Variants in SUPT3H observed in about 807,000 individuals in gnomAD.
SUPT3H encodes the protein transcription initiation protein SPT3 homolog.
Under a neutral mutation model 44.3 loss-of-function variants are expected in SUPT3H, and 44 were observed. The ratio of observed to expected loss-of-function variants is 0.99; its 90% CI spans 0.78 to 1.28. SUPT3H has a LOEUF of 1.28. Among genes scored for constraint, SUPT3H ranks in the 50% most tolerant of loss-of-function variants. SUPT3H has a pLI of 0.00. For missense variants in SUPT3H, 380 were observed against 387.1 expected (o/e 0.98, Z 0.15); for synonymous variants, 124 against 125.6 (o/e 0.99, Z 0.09).
At chr6:45,165,589 A>T (rs889921106) in intron 2 of SUPT3H, among the ~76,000 whole-genome samples, 1 of 152,252 alleles carries the variant, frequency 6.6e-6, no homozygotes, top group Non-Finnish European at 1.5e-5. Flanking sequence ...TTAATATGTT[A>T]AAGGTCCTAG....
At chr6:45,001,905 T>G (rs1269562174) in intron 6 of SUPT3H, among the ~76,000 whole-genome samples, 1 of 152,116 alleles carries the variant, frequency 6.6e-6, no homozygotes, top group Admixed American at 6.6e-5. Flanking sequence ...GCCTATGCTC[T>G]TAACAGTTCC....
chr6:45,079,224 C>T (rs6923436), intron 3 of SUPT3H, among the ~76,000 whole-genome samples: 54,550 of 151,890 alleles, frequency 0.36, 10,535 homozygotes, highest in Non-Finnish European at 0.43. Flanking sequence ...GCAGGAGAAT[C>T]GCTTGAACCT....
At chr6:45,289,098 T>C (rs1779886452) in intron 2 of SUPT3H, among the ~76,000 whole-genome samples, 3 of 152,118 alleles carry the variant, frequency 2.0e-5, no homozygotes, top group African/African-American at 7.2e-5. Context: ...TTCTAATGTG[T>C]TTTTCATATT....
chr6:45,091,602 G>T (rs554306814), intron 3 of SUPT3H, among the ~76,000 whole-genome samples: 1 of 152,156 alleles, frequency 6.6e-6, no homozygotes, highest in Admixed American at 6.5e-5. Flanking sequence ...CTGTTCTTCA[G>T]TTTCTAAACC....
intron 10 of SUPT3H, among the ~76,000 whole-genome samples, chr6:44,830,671 A>G (rs1227662540): frequency 1.3e-5 from 2 of 152,144 alleles, no homozygotes; most frequent in African/African-American, 4.8e-5. Flanking sequence ...AAAATTCAGG[A>G]CTTAGGAATA....
intron 3 of SUPT3H, among the ~76,000 whole-genome samples, chr6:45,089,669 A>G (rs1796896965): frequency 8.9e-6 from 1 of 112,452 alleles, no homozygotes; most frequent in Non-Finnish European, 1.8e-5. Context: ...GAAATCTTGC[A>G]TATTGCAGCT....
chr6:45,375,100 G>A (rs1342347130), intron 1 of SUPT3H, among the ~76,000 whole-genome samples: 9 of 152,152 alleles, frequency 5.9e-5, no homozygotes, highest in African/African-American at 9.7e-5. Context: ...CCAGCTACTC[G>A]GGAGGCTGAG....
intron 2 of SUPT3H, among the ~76,000 whole-genome samples, chr6:45,331,166 T>C (rs1439814873): frequency 6.6e-6 from 1 of 151,974 alleles, no homozygotes; most frequent in Non-Finnish European, 1.5e-5. Flanking sequence ...AGTATGTCTG[T>C]GTCCTTGATC....
intron 2 of SUPT3H, among the ~76,000 whole-genome samples, chr6:45,200,512 T>C (rs1762313265): frequency 2.6e-5 from 4 of 151,532 alleles, no homozygotes; most frequent in Non-Finnish European, 4.4e-5. Context: ...TAGGTGCAGC[T>C]GGTAAAAAAA....
intron 2 of SUPT3H, among the ~76,000 whole-genome samples, chr6:45,129,775 C>A (rs1803135410): frequency 6.6e-6 from 1 of 151,718 alleles, no homozygotes; most frequent in Admixed American, 6.6e-5. Context: ...TAAAAAAATC[C>A]ATCAATCAAT....
At chr6:45,182,642 T>A (rs748309525) in intron 2 of SUPT3H, among the ~76,000 whole-genome samples, 3 of 152,226 alleles carry the variant, frequency 2.0e-5, no homozygotes, top group Non-Finnish European at 4.4e-5. Flanking sequence ...TTGTAATTCC[T>A]ATATGGTATT....
At chr6:45,026,985 C>CTTTTTTTTT (rs34588777) in intron 3 of SUPT3H, among the ~76,000 whole-genome samples, 1 of 87,510 alleles carries the variant, frequency 1.1e-5, no homozygotes, top group Admixed American at 1.4e-4. Context: ...GCTTTGGATC[C>CTTTTTTTTT]TTTTTTTTTT....
At chr6:44,969,676 T>C (rs551335694) in intron 6 of SUPT3H, among the ~76,000 whole-genome samples, 1 of 152,262 alleles carries the variant, frequency 6.6e-6, no homozygotes, top group East Asian at 1.9e-4. Flanking sequence ...CGACTCAGAA[T>C]CCTGACTGAT....
At chr6:45,297,893 A>G (rs1175018210) in intron 2 of SUPT3H, among the ~76,000 whole-genome samples, 3 of 152,192 alleles carry the variant, frequency 2.0e-5, no homozygotes, top group African/African-American at 7.2e-5. Flanking sequence ...TACACATATT[A>G]TTTCATTTAA....
rs11393241 is a variant in SUPT3H at position 45,070,739 on chromosome 6, CAAAAA to C, written c.186+35178_186+35182del. ...AATAAGAGCAAAACTCTGTCTCAAA[CAAAAA>C]AAAAAAAAAAAAAAAGAAATGCTTT... On this transcript the variant is annotated intron_variant, in intron 3 of 10. Transcript: ENST00000371459. Among the ~76,000 whole-genome samples the C allele has an allele frequency of 1.2e-3, 120 of 102,860 alleles. 1 individual carries two copies. Among genetic ancestry groups the C allele is most frequent in the East Asian group, 8.3e-3 (29 of 3,496 alleles). The allele number at this position is 102,860 out of a possible 152,430, so 67.5% of individuals were successfully genotyped here. A position where few individuals can be genotyped will look rare whatever the true frequency, so the allele number is the denominator to read the frequency against.
downstream of SUPT3H, among the ~76,000 whole-genome samples, chr6:44,826,704 T>G (rs560094064): frequency 1.3e-5 from 2 of 152,302 alleles, no homozygotes; most frequent in African/African-American, 4.8e-5. Context: ...ACTTTATAAT[T>G]AATTCTAAAC....
At chr6:44,995,008 G>C (rs1016344696) in intron 6 of SUPT3H, among the ~76,000 whole-genome samples, 3 of 151,114 alleles carry the variant, frequency 2.0e-5, no homozygotes, top group Non-Finnish European at 4.4e-5. Flanking sequence ...CATTATTACT[G>C]CTCTGAAGAT....
chr6:45,214,192 A>G (rs1266077241), intron 2 of SUPT3H, among the ~76,000 whole-genome samples: 1 of 152,060 alleles, frequency 6.6e-6, no homozygotes, highest in Non-Finnish European at 1.5e-5. Context: ...GTTTTCTACA[A>G]CACCTTATGA....
chr6:45,027,591 T>C (rs1032133796), intron 3 of SUPT3H, among the ~76,000 whole-genome samples: 1 of 152,222 alleles, frequency 6.6e-6, no homozygotes, highest in Non-Finnish European at 1.5e-5. Flanking sequence ...CTCTGGATTT[T>C]GTTGTATTCC....
Sources: allele counts gnomAD v4.1 joint callset (sites outside exome capture counted in the v4.1 genomes callset), GRCh38; gene constraint gnomAD v4.1.1; transcripts MANE v1.5; gene names NCBI Gene and HGNC (gene_info 2026-07-23, HGNC 2026-07-21).